The following FBXL2 variants were observed in gnomAD, a reference collection of about 807,000 sequenced individuals.
FBXL2 encodes F-box/LRR-repeat protein 2.
Under a neutral mutation model 69.2 loss-of-function variants are expected in FBXL2, and 38 were observed. The observed-to-expected ratio is 0.55, with a 90% CI of 0.42 to 0.72. The LOEUF (loss-of-function observed/expected upper bound fraction) is 0.72, where lower values mean the gene tolerates loss of function less well. Ranked by LOEUF, FBXL2 falls within the 30% of genes least tolerant of loss-of-function variation. The pLI is 0.00. For synonymous variants in FBXL2, 192 were observed against 201.3 expected (o/e 0.95, Z 0.39); for missense variants, 354 against 520.3 (o/e 0.68, Z 3.11).
chr3:33,315,232 TTC>T (rs1491233223), intron 2 of FBXL2, among the ~76,000 whole-genome samples: 8 of 151,890 alleles, frequency 5.3e-5, no homozygotes, highest in African/African-American at 9.7e-5. Context: ...TTCCTTTTTT[TTC>T]TTTCTTTTTT....
intron 2 of FBXL2, among the ~76,000 whole-genome samples, chr3:33,309,418 T>A (rs2036993694): frequency 1.3e-5 from 2 of 152,210 alleles, no homozygotes; most frequent in South Asian, 4.1e-4. Context: ...TTGATATAAG[T>A]ATATAGCTAC....
chr3:33,325,995 T>C (rs1181285575), intron 2 of FBXL2, among the ~76,000 whole-genome samples: 1 of 152,224 alleles, frequency 6.6e-6, no homozygotes, highest in Non-Finnish European at 1.5e-5. Flanking sequence ...AATTCTGCTA[T>C]TCTGGTGTCA....
rs190952837 is a variant in FBXL2, at chr3:33,309,595, A to G, written c.65+11870A>G. 3.8e-3 allele frequency among the ~76,000 whole-genome samples: 572 copies of G among 152,218 alleles called. 3 individuals are homozygous for G. Among genetic ancestry groups the G allele is most frequent in the Admixed American group, 0.013 (199 of 15,294 alleles). On this transcript the variant is annotated intron_variant, in intron 2 of 14. Coordinates refer to ENST00000484457, the MANE Select transcript of FBXL2 (RefSeq NM_012157.5). ...ATGTCTTCTGATTGGAGAATTTAAC[A>G]CATTTACATTAAAGATAAGTATTGC...
intron 2 of FBXL2, among the ~76,000 whole-genome samples, chr3:33,341,222 AC>A (rs2039994197): frequency 6.6e-6 from 1 of 152,212 alleles, no homozygotes; most frequent in South Asian, 2.1e-4. Context: ...AGATCCAACT[AC>A]CAATTTGTAG....
intron 1 of FBXL2, among the ~76,000 whole-genome samples, chr3:33,292,414 C>T (rs1199092760): frequency 1.3e-5 from 2 of 151,934 alleles, no homozygotes; most frequent in Non-Finnish European, 2.9e-5. Context: ...GTGTACCTCA[C>T]AACAAAGCTT....
intron 2 of FBXL2, among the ~76,000 whole-genome samples, chr3:33,329,460 T>C (rs1276067242): frequency 6.6e-6 from 1 of 151,644 alleles, no homozygotes; most frequent in Admixed American, 6.6e-5. Context: ...AAGAGATATT[T>C]ACACTCCAAT....
intron 1 of FBXL2, among the ~76,000 whole-genome samples, chr3:33,286,659 G>T (rs1047194073): frequency 6.6e-6 from 1 of 152,242 alleles, no homozygotes; most frequent in African/African-American, 2.4e-5. Context: ...AGGCGGGCAG[G>T]CCTCCTTGAG....
intron 1 of FBXL2, among the ~76,000 whole-genome samples, chr3:33,288,234 G>A (rs2034852415): frequency 6.6e-6 from 1 of 152,184 alleles, no homozygotes; most frequent in Non-Finnish European, 1.5e-5. Context: ...CTCTACAGCT[G>A]CGTCTTTCCA....
At chr3:33,294,287 G>A (rs567654016) in intron 1 of FBXL2, among the ~76,000 whole-genome samples, 39 of 151,694 alleles carry the variant, frequency 2.6e-4, no homozygotes, top group East Asian at 9.8e-4. Flanking sequence ...TTGTAGAGTC[G>A]GGTCTCACTA....
Position 33,387,102 on chromosome 3 carries a change from T to C in FBXL2, c.*1494T>C, listed in dbSNP as rs539960027. 1 of 152,274 alleles carries C rather than the reference T, an allele frequency of 6.6e-6. No individual in the cohort carries two copies. Among genetic ancestry groups the C allele is most frequent in the East Asian group, 1.9e-4 (1 of 5,190 alleles). 9.4% of individuals were successfully genotyped at this position (152,274 alleles called of 1,614,324 possible). On this transcript the variant is annotated 3_prime_UTR_variant, in exon 15 of 15. Transcript: ENST00000484457. ...TCATCAGAGTAAGCATTAAAGTCAT[T>C]TTATTGCCTTATGATATATTCCAGT...
intron 13 of FBXL2, among the ~76,000 whole-genome samples, chr3:33,380,991 C>T (rs1017969551): frequency 2.6e-5 from 4 of 152,248 alleles, no homozygotes; most frequent in South Asian, 4.2e-4. Context: ...AGAATTGGCC[C>T]GAACCAGACA....
chr3:33,390,515 C>CTAG, downstream of FBXL2: 2 of 785,572 alleles, frequency 2.5e-6, no homozygotes, highest in Non-Finnish European at 4.1e-6. Flanking sequence ...GATTAACTTG[C>CTAG]TCTAGCTCCT....
At chr3:33,377,005 CAAAACAAAACA>C (rs202175453) in intron 10 of FBXL2, among the ~76,000 whole-genome samples, 1,909 of 152,108 alleles carry the variant, frequency 0.013, 30 homozygotes, top group Middle Eastern at 0.027. Context: ...GTTTGCAAAA[CAAAACAAAACA>C]AAAACAAAAC....
chr3:33,359,758 G>A (rs1575332810), intron 4 of FBXL2, among the ~76,000 whole-genome samples: 2 of 151,608 alleles, frequency 1.3e-5, no homozygotes, highest in African/African-American at 4.8e-5. Context: ...TGAGGCTGGA[G>A]ATCTAAAGTG....
At chr3:33,325,000 C>G (rs184764299) in intron 2 of FBXL2, among the ~76,000 whole-genome samples, 1 of 152,208 alleles carries the variant, frequency 6.6e-6, no homozygotes, top group East Asian at 1.9e-4. Flanking sequence ...TTGTAGTTCT[C>G]CACAAAGAGG....
intron 1 of FBXL2, among the ~76,000 whole-genome samples, chr3:33,283,509 C>CT (rs2034266999): frequency 6.6e-6 from 1 of 152,018 alleles, no homozygotes; most frequent in African/African-American, 2.4e-5. Flanking sequence ...CTAAAATTCT[C>CT]TTTTTTTGTT....
chr3:33,343,731 C>T (rs959074680), intron 2 of FBXL2, among the ~76,000 whole-genome samples: 4 of 151,954 alleles, frequency 2.6e-5, no homozygotes, highest in Non-Finnish European at 5.9e-5. Context: ...TATGAAGATA[C>T]ATCTGTCAAG....
chr3:33,311,371 C>G (rs76223271), intron 2 of FBXL2, among the ~76,000 whole-genome samples: 2 of 152,094 alleles, frequency 1.3e-5, no homozygotes, highest in East Asian at 3.9e-4. Context: ...CCCCACTTTT[C>G]TTTTTCTCTG....
In FBXL2 at chr3:33,354,720, G is replaced by A. The variant is rs918646809; in HGVS notation, c.66-4247G>A. Among the ~76,000 whole-genome samples the A allele has an allele frequency of 4.6e-5, 7 of 152,034 alleles. 1 individual carries two copies. The highest frequency in any genetic ancestry group is 4.2e-4 in the South Asian group (2 of 4,818). ...TGAGACAAAGATGTATTTCATTATC[G>A]GTTGTATTTATCATTGTACTAGAGA... On this transcript the variant is annotated intron_variant, in intron 2 of 14. Coordinates refer to ENST00000484457, the MANE Select transcript of FBXL2 (RefSeq NM_012157.5).
Sources: gnomAD v4.1 joint callset for allele counts (sites outside exome capture counted in the v4.1 genomes callset) on GRCh38, gnomAD v4.1.1 for gene constraint, MANE v1.5 for transcripts, NCBI Gene and HGNC (gene_info 2026-07-23, HGNC 2026-07-21) for gene names.